Variants in NEDD4L observed in about 807,000 individuals in gnomAD.
NEDD4L encodes NEDD4 like E3 ubiquitin protein ligase.
A neutral mutation model predicts 148.9 loss-of-function variants in NEDD4L; 54 were observed. The observed-to-expected ratio is 0.36, with a 90% CI of 0.29 to 0.45. The LOEUF is 0.45. Among genes scored for constraint, NEDD4L ranks in the 20% least tolerant of loss-of-function variants. The probability of loss-of-function intolerance (pLI) is 1.00; values close to 1 mark genes in which losing one functional copy is unlikely to be tolerated. For missense variants in NEDD4L, 856 were observed against 1,233.8 expected, an observed-to-expected ratio of 0.69 and a Z score of 4.59; for synonymous variants, 433 against 440.7, an observed-to-expected ratio of 0.98 and a Z score of 0.22.
At chr18:58,064,122 G>T (rs1205904986) in intron 1 of NEDD4L, among the ~76,000 whole-genome samples, 1 of 151,710 alleles carries the variant, frequency 6.6e-6, no homozygotes, top group Non-Finnish European at 1.5e-5. Context: ...CCGCCACCAC[G>T]CCCGGCTAAC....
chr18:58,084,867 G>A (rs1184615382), intron 1 of NEDD4L, among the ~76,000 whole-genome samples: 5 of 151,838 alleles, frequency 3.3e-5, no homozygotes, highest in African/African-American at 7.3e-5. Flanking sequence ...GCTAAGTTTC[G>A]TAATTTTGGT....
At chr18:58,385,502 A>G (rs1208047812) in intron 25 of NEDD4L, 24 bp from the exon 26 acceptor site, 1 of 1,603,848 alleles carries the variant, frequency 6.2e-7, no homozygotes, top group Admixed American at 1.7e-5. Context: ...AGGTGGTTCA[A>G]TATTGTCCTC....
At chr18:58,380,053 T>A (rs1398713220) in intron 24 of NEDD4L, among the ~76,000 whole-genome samples, 1 of 146,852 alleles carries the variant, frequency 6.8e-6, no homozygotes, top group African/African-American at 2.6e-5. Context: ...GTGGGCCCAT[T>A]TTTTCTTTTC....
intron 5 of NEDD4L, among the ~76,000 whole-genome samples, chr18:58,315,430 T>C (rs1231312063): frequency 6.6e-6 from 1 of 151,828 alleles, no homozygotes; most frequent in Non-Finnish European, 1.5e-5. Context: ...CAGGACCTGA[T>C]CCATATACGT....
At chr18:58,393,080 T>C (rs561315279) in intron 30 of NEDD4L, among the ~76,000 whole-genome samples, 7 of 152,202 alleles carry the variant, frequency 4.6e-5, no homozygotes, top group East Asian at 1.9e-4. Flanking sequence ...TCTGTTGATA[T>C]ACCCACTTTC....
chr18:58,384,071 T>C (rs1473093810), intron 25 of NEDD4L, among the ~76,000 whole-genome samples: 1 of 152,214 alleles, frequency 6.6e-6, no homozygotes, highest in Non-Finnish European at 1.5e-5. Flanking sequence ...ACAGTGGCCC[T>C]GAGTTCCTCG....
intron 3 of NEDD4L, among the ~76,000 whole-genome samples, chr18:58,248,217 G>A (rs933158798): frequency 3.3e-5 from 5 of 152,136 alleles, no homozygotes; most frequent in African/African-American, 9.7e-5. Flanking sequence ...GGGGATATCT[G>A]GCAGTCCTTT....
At chr18:58,112,589 A>G (rs2085489465) in intron 1 of NEDD4L, among the ~76,000 whole-genome samples, 1 of 151,976 alleles carries the variant, frequency 6.6e-6, no homozygotes, top group Non-Finnish European at 1.5e-5. Context: ...CCTGGGTTCA[A>G]GTGATTCTCT....
In NEDD4L at chr18:58,286,198, G is replaced by A. The variant is rs117337561; in HGVS notation, c.298-29784G>A. On this transcript the variant is annotated intron_variant, in intron 5 of 30. Transcript: ENST00000400345. ...ATGAATTATTTGTGTTAATGTAAAC[G>A]TCGAATGAGCACTGCAAACATTTGA... 2.6e-3 allele frequency among the ~76,000 whole-genome samples: 397 copies of A among 152,264 alleles called. 2 individuals carry two copies. The highest frequency in any genetic ancestry group is 4.3e-3 in the Non-Finnish European group (292 of 68,024).
At chr18:58,120,547 A>T (rs1315887199) in intron 1 of NEDD4L, among the ~76,000 whole-genome samples, 1 of 152,196 alleles carries the variant, frequency 6.6e-6, no homozygotes, top group Non-Finnish European at 1.5e-5. Flanking sequence ...TGGGAGGCTG[A>T]GGCGGGCGGA....
chr18:58,242,648 A>G (rs59402591), intron 2 of NEDD4L, among the ~76,000 whole-genome samples: 29,591 of 151,904 alleles, frequency 0.19, 3,190 homozygotes, highest in East Asian at 0.44. Context: ...CTACAGGTGC[A>G]TGCCACCACA....
Position 58,090,501 on chromosome 18 carries a change from C to T in NEDD4L, c.48+45793C>T, listed in dbSNP as rs117740214. ...GATAACACCCATGATTTGTTTTTAA[C>T]GGAGTTTCACTCTGTTGCCCAGGCT... On this transcript the variant is annotated intron_variant, in intron 1 of 30. Coordinates refer to ENST00000400345, the MANE Select transcript of NEDD4L (RefSeq NM_001144967.3). 1.6e-3 allele frequency among the ~76,000 whole-genome samples: 245 copies of T among 152,274 alleles called. 1 individual carries two copies. The highest frequency in any genetic ancestry group is 2.7e-3 in the Admixed American group (41 of 15,298).
intron 24 of NEDD4L, among the ~76,000 whole-genome samples, chr18:58,376,589 G>A (rs916941285): frequency 2.0e-5 from 3 of 152,058 alleles, no homozygotes; most frequent in African/African-American, 7.3e-5. Context: ...GCATTCTGCC[G>A]ATCTCTTCTC....
chr18:58,178,077 G>C (rs2146903098), intron 2 of NEDD4L, among the ~76,000 whole-genome samples: 1 of 152,328 alleles, frequency 6.6e-6, no homozygotes, highest in South Asian at 2.1e-4. Context: ...AAAGGGGCAT[G>C]TGTGTGAGCT....
chr18:58,196,508 G>A (rs748607032), intron 2 of NEDD4L, among the ~76,000 whole-genome samples: 1 of 152,092 alleles, frequency 6.6e-6, no homozygotes, highest in South Asian at 2.1e-4. Context: ...GTCTTTTACT[G>A]CATTCTTCAG....
chr18:58,280,627 G>A (rs182827523), intron 5 of NEDD4L, among the ~76,000 whole-genome samples: 44 of 152,278 alleles, frequency 2.9e-4, no homozygotes, highest in Admixed American at 1.8e-3. Flanking sequence ...CTTCCACTAG[G>A]AAAGCACAGC....
intron 1 of NEDD4L, chr18:58,047,516 G>C (rs1156805555): frequency 2.2e-5 from 22 of 985,188 alleles, no homozygotes; most frequent in Non-Finnish European, 2.7e-5. Flanking sequence ...AGAAGGTAAG[G>C]GGTTGAGATG....
chr18:58,398,047 C>G lies in NEDD4L; in HGVS notation c.*1778C>G, dbSNP rs2050602634. On this transcript the variant is annotated 3_prime_UTR_variant, in exon 31 of 31. Transcript: ENST00000400345. Reference sequence around the variant, plus strand: ...TGAGTTGTCTAAAGGGGTGCAGAGGCCTGAGGTTTCTAAAAGAAGGTAGAT... The same window carrying G: ...TGAGTTGTCTAAAGGGGTGCAGAGGGCTGAGGTTTCTAAAAGAAGGTAGAT... The G allele has an allele frequency of 1.3e-5, 2 of 151,104 alleles. No homozygotes were observed. The highest frequency in any genetic ancestry group is 6.6e-5 in the Admixed American group (1 of 15,124). 9.4% of individuals were successfully genotyped at this position (151,104 alleles called of 1,614,324 possible).
At position 58,272,716 on chromosome 18, in the gene NEDD4L, C is replaced by A. The variant is rs1460895113; in HGVS notation, c.297+20662C>A. Among the ~76,000 whole-genome samples, 5 of 152,130 alleles carry A rather than the reference C, an allele frequency of 3.3e-5. No individual in the cohort carries two copies. In the East Asian group the frequency reaches 9.6e-4, roughly 29 times the overall value. ...AAGTTTGGTGATTCACTTGCTGTTG[C>A]CGCCTTTATAAACATAAAAGTCAGT... is the stretch of plus-strand genomic sequence containing the variant. On this transcript the variant is annotated intron_variant, in intron 5 of 30. Transcript: ENST00000400345.
Sources: allele counts gnomAD v4.1 joint callset (sites outside exome capture counted in the v4.1 genomes callset), GRCh38; gene constraint gnomAD v4.1.1; transcripts MANE v1.5; gene names NCBI Gene and HGNC (gene_info 2026-07-23, HGNC 2026-07-21).